Variants in APBB2 observed in about 807,000 individuals in gnomAD.
APBB2 encodes Fe65-like 1.
Under a neutral mutation model 82.5 loss-of-function variants are expected in APBB2, and 38 were observed. The ratio of observed to expected loss-of-function variants is 0.46; its 90% CI spans 0.36 to 0.60. The LOEUF (loss-of-function observed/expected upper bound fraction) is 0.60, where lower values mean the gene tolerates loss of function less well. Among genes scored for constraint, APBB2 ranks in the 20% least tolerant of loss-of-function variants. The probability of loss-of-function intolerance (pLI) is 0.00; values close to 1 mark genes in which losing one functional copy is unlikely to be tolerated. For synonymous variants in APBB2, 341 were observed against 368.2 expected (o/e 0.93, Z 0.85); for missense variants, 772 against 972.3 (o/e 0.79, Z 2.74).
intron 6 of APBB2, among the ~76,000 whole-genome samples, chr4:40,986,375 A>G (rs907009977): frequency 2.6e-5 from 4 of 152,214 alleles, no homozygotes; most frequent in Non-Finnish European, 4.4e-5. Context: ...CCTTCTTCAC[A>G]TGACTCCAAA....
intron 6 of APBB2, among the ~76,000 whole-genome samples, chr4:40,995,529 T>TA (rs1409758812): frequency 6.6e-6 from 1 of 151,024 alleles, no homozygotes; most frequent in Non-Finnish European, 1.5e-5. Flanking sequence ...TATATCTGGC[T>TA]AATGTTTAAA....
chr4:40,858,998 T>C (rs1434407322), intron 12 of APBB2, among the ~76,000 whole-genome samples: 1 of 152,172 alleles, frequency 6.6e-6, no homozygotes, highest in African/African-American at 2.4e-5. Context: ...GTTAACAGGA[T>C]TGTACCTGTC....
chr4:41,110,238 T>TA (rs1748711726), intron 2 of APBB2, among the ~76,000 whole-genome samples: 1 of 152,220 alleles, frequency 6.6e-6, no homozygotes, highest in Admixed American at 6.6e-5. Flanking sequence ...AGGAGGCACT[T>TA]AGTGTTTACT....
chr4:41,184,141 AG>A (rs1560978471), intron 1 of APBB2, among the ~76,000 whole-genome samples: 1 of 152,058 alleles, frequency 6.6e-6, no homozygotes, highest in African/African-American at 2.4e-5. Context: ...CTGATCTGAC[AG>A]GGGGCAGAGC....
chr4:40,845,848 T>C (rs1560681834), intron 12 of APBB2, among the ~76,000 whole-genome samples: 1 of 152,098 alleles, frequency 6.6e-6, no homozygotes, highest in African/African-American at 2.4e-5. Flanking sequence ...CTCTAGCCTT[T>C]TGAGCACACA....
At chr4:41,139,279 T>C (rs1251957947) in intron 2 of APBB2, among the ~76,000 whole-genome samples, 1 of 152,028 alleles carries the variant, frequency 6.6e-6, no homozygotes, top group African/African-American at 2.4e-5. Flanking sequence ...TATCAATAGT[T>C]GCAAAAAAGC....
At chr4:40,869,502 C>T (rs1764883071) in intron 12 of APBB2, among the ~76,000 whole-genome samples, 1 of 151,780 alleles carries the variant, frequency 6.6e-6, no homozygotes, top group African/African-American at 2.4e-5. Context: ...GTGGGAGGAT[C>T]ACTTAAGCCC....
intron 6 of APBB2, among the ~76,000 whole-genome samples, chr4:41,008,533 C>T (rs75688056): frequency 0.021 from 3,237 of 152,288 alleles, 115 homozygotes; most frequent in African/African-American, 0.074. Flanking sequence ...AACCCTTGCT[C>T]TTAAGGTCCA....
At chr4:41,040,820 T>C (rs189095671) in intron 4 of APBB2, among the ~76,000 whole-genome samples, 6 of 152,330 alleles carry the variant, frequency 3.9e-5, no homozygotes, top group East Asian at 1.9e-4. Context: ...CTGAGTCCTC[T>C]TGTTGCTTGC....
At chr4:40,995,067 C>T (rs372190156) in intron 6 of APBB2, among the ~76,000 whole-genome samples, 61 of 152,164 alleles carry the variant, frequency 4.0e-4, no homozygotes, top group African/African-American at 1.3e-3. Flanking sequence ...AGAAGGACAG[C>T]GCGCCTCAGA....
intron 12 of APBB2, among the ~76,000 whole-genome samples, chr4:40,848,222 G>T (rs563644862): frequency 9.2e-5 from 14 of 152,374 alleles, no homozygotes; most frequent in African/African-American, 3.4e-4. Flanking sequence ...CACTAACCAA[G>T]TAACAGTAGC....
intron 7 of APBB2, among the ~76,000 whole-genome samples, chr4:40,936,261 A>T (rs543892106): frequency 1.3e-5 from 2 of 152,258 alleles, no homozygotes; most frequent in Admixed American, 1.3e-4. Context: ...TTTGTTTAAA[A>T]ATTTTTTTGA....
chr4:41,124,895 G>A lies in APBB2; in HGVS notation c.-261+18092C>T, dbSNP rs185347819. ...GCCATCCTAGTGAAGAAATTCCATCGTACTCTTTCTTTCTTTTCAGAAATG... is the reference window on the plus strand; with the variant it reads ...GCCATCCTAGTGAAGAAATTCCATCATACTCTTTCTTTCTTTTCAGAAATG... On this transcript the variant is annotated intron_variant, in intron 2 of 17. Coordinates refer to ENST00000508593, the MANE Select transcript of APBB2 (RefSeq NM_004307.2). Among the ~76,000 whole-genome samples, 34 of 152,164 alleles carry A rather than the reference G, an allele frequency of 2.2e-4. 1 individual carries two copies. The highest frequency in any genetic ancestry group is 1.8e-3 in the Admixed American group (28 of 15,296).
At chr4:41,056,994 C>T (rs756731668) in intron 4 of APBB2, among the ~76,000 whole-genome samples, 5 of 152,098 alleles carry the variant, frequency 3.3e-5, no homozygotes, top group Non-Finnish European at 5.9e-5. Flanking sequence ...GTGGAATTTT[C>T]TTGTACTCTG....
At chr4:40,828,047 C>T (rs760891597) in intron 13 of APBB2, among the ~76,000 whole-genome samples, 1 of 152,138 alleles carries the variant, frequency 6.6e-6, no homozygotes, top group South Asian at 2.1e-4. Context: ...CCATGTAAGA[C>T]GTGCCTTTCA....
At chr4:40,974,060 G>T (rs1460970481) in intron 6 of APBB2, among the ~76,000 whole-genome samples, 1 of 151,872 alleles carries the variant, frequency 6.6e-6, no homozygotes, top group Non-Finnish European at 1.5e-5. Context: ...CATTACGGTG[G>T]TCAGGCTGGT....
chr4:40,937,240 A>T lies in APBB2; in HGVS notation c.1045-2101T>A, dbSNP rs897931591. Among the ~76,000 whole-genome samples the T allele has an allele frequency of 2.6e-4, 39 of 152,322 alleles. 1 individual carries two copies. The highest frequency in any genetic ancestry group is 8.7e-4 in the African/African-American group (36 of 41,576). On this transcript the variant is annotated intron_variant, in intron 7 of 17. Transcript: ENST00000508593. ...ATAAAGAAACAAGAAAAACAAAGTT[A>T]CCTCACAAAAAGAATTTCAGAAATT... is the stretch of plus-strand genomic sequence containing the variant.
intron 12 of APBB2, among the ~76,000 whole-genome samples, chr4:40,868,145 C>T (rs1166253530): frequency 1.3e-5 from 2 of 152,000 alleles, no homozygotes; most frequent in East Asian, 1.9e-4. Context: ...GGGTGAGCCA[C>T]CACACCCAGC....
intron 5 of APBB2, among the ~76,000 whole-genome samples, chr4:41,021,316 A>G (rs1240888247): frequency 2.0e-5 from 3 of 152,140 alleles, no homozygotes; most frequent in Admixed American, 6.6e-5. Flanking sequence ...CCAATTCCCA[A>G]CAGCAGGTGG....
Sources: gnomAD v4.1 joint callset for allele counts (sites outside exome capture counted in the v4.1 genomes callset) on GRCh38, gnomAD v4.1.1 for gene constraint, MANE v1.5 for transcripts, NCBI Gene and HGNC (gene_info 2026-07-23, HGNC 2026-07-21) for gene names.